The following CD28 variants were observed in gnomAD, a reference collection of about 807,000 sequenced individuals.
CD28 encodes the protein CD28 molecule.
A neutral mutation model predicts 21.4 loss-of-function variants in CD28; 8 were observed. That is an observed-to-expected ratio of 0.37 (90% CI 0.22 to 0.68). The LOEUF is 0.68. CD28 is among the 30% of genes least tolerant of loss of function. The probability of loss-of-function intolerance (pLI) is 0.55; values close to 1 mark genes in which losing one functional copy is unlikely to be tolerated. For missense variants in CD28, 239 were observed against 272.2 expected (o/e 0.88, Z 0.86); for synonymous variants, 106 against 104.0 (o/e 1.02, Z -0.12).
chr2:203,726,576 G>T, intron 1 of CD28, 57 bp from the exon 2 acceptor site: 1 of 1,329,542 alleles, frequency 7.5e-7, no homozygotes. Flanking sequence ...TTTGCTCTCA[G>T]GAAGAAAAAT....
chr2:203,736,626 G>A lies in CD28; in HGVS notation c.*1714G>A, dbSNP rs201773685. The A allele has an allele frequency of 1.3e-5, 2 of 152,318 alleles. No homozygotes were observed. The highest frequency in any genetic ancestry group is 2.4e-5 in the African/African-American group (1 of 41,558). The allele number at this position is 152,318 out of a possible 1,614,324, so 9.4% of individuals were successfully genotyped here. A position where few individuals can be genotyped will look rare whatever the true frequency, so the allele number is the denominator to read the frequency against. On this transcript the variant is annotated 3_prime_UTR_variant, in exon 4 of 4. Transcript: ENST00000324106. Reference sequence around the variant, plus strand: ...ATATGCCTGGGGACCTTGAAGAATGGCCCTTCAGTGGCCCTCACCATTTGT... The same window carrying A: ...ATATGCCTGGGGACCTTGAAGAATGACCCTTCAGTGGCCCTCACCATTTGT...
chr2:203,710,213 C>A (rs758912442), intron 1 of CD28, among the ~76,000 whole-genome samples: 15 of 152,160 alleles, frequency 9.9e-5, no homozygotes, highest in Admixed American at 4.6e-4. Flanking sequence ...AAGAAATTGA[C>A]TGGATGTTTT....
chr2:203,719,459 C>T (rs899575994), intron 1 of CD28, among the ~76,000 whole-genome samples: 3 of 152,236 alleles, frequency 2.0e-5, no homozygotes, highest in Non-Finnish European at 4.4e-5. Context: ...ACATCTGGTA[C>T]CATCCTCCCT....
chr2:203,725,067 A>G (rs1693704637), intron 1 of CD28, among the ~76,000 whole-genome samples: 1 of 152,032 alleles, frequency 6.6e-6, no homozygotes, highest in African/African-American at 2.4e-5. Flanking sequence ...GAGGCGGTGG[A>G]TCACCTGAGG....
intron 2 of CD28, among the ~76,000 whole-genome samples, chr2:203,728,952 A>G (rs929198087): frequency 6.6e-6 from 1 of 152,184 alleles, no homozygotes; most frequent in Admixed American, 6.5e-5. Context: ...GATGTAATTG[A>G]TATGGGTTGA....
chr2:203,724,278 A>G (rs1693682732), intron 1 of CD28, among the ~76,000 whole-genome samples: 1 of 152,190 alleles, frequency 6.6e-6, no homozygotes, highest in Non-Finnish European at 1.5e-5. Context: ...TTTATGGAGT[A>G]ATGAAAATGT....
intron 1 of CD28, among the ~76,000 whole-genome samples, chr2:203,711,765 C>T (rs1359907413): frequency 3.3e-5 from 5 of 152,178 alleles, no homozygotes; most frequent in Non-Finnish European, 7.3e-5. Flanking sequence ...TCCACCTCCT[C>T]GAAGAAGCTT....
upstream of CD28, chr2:203,706,566 A>G: frequency 6.3e-7 from 1 of 1,580,194 alleles, no homozygotes; most frequent in Non-Finnish European, 8.6e-7. Context: ...CCCTAAGGGG[A>G]TGGTGGCGGT....
intron 2 of CD28, among the ~76,000 whole-genome samples, chr2:203,729,423 T>C (rs986329456): frequency 3.3e-5 from 5 of 152,186 alleles, no homozygotes; most frequent in African/African-American, 1.2e-4. Context: ...AGTCTACCAG[T>C]GTACCATCCT....
chr2:203,713,154 G>A (rs1693361589), intron 1 of CD28, among the ~76,000 whole-genome samples: 1 of 152,210 alleles, frequency 6.6e-6, no homozygotes, highest in Non-Finnish European at 1.5e-5. Context: ...GAATGTGTGA[G>A]GTTATGGTGA....
At position 203,737,005 on chromosome 2, in the gene CD28, A is replaced by G. The variant is rs1238802329; in HGVS notation, c.*2093A>G. On this transcript the variant is annotated 3_prime_UTR_variant, in exon 4 of 4. Coordinates refer to ENST00000324106, the MANE Select transcript of CD28 (RefSeq NM_006139.4). Reference sequence around the variant, plus strand: ...AATATTGTAACACAAATTTAAACCCACTACGCAGGGATGAGGTGCTATAAT... The same window carrying G: ...AATATTGTAACACAAATTTAAACCCGCTACGCAGGGATGAGGTGCTATAAT... 49 of 152,246 alleles carry G rather than the reference A, an allele frequency of 3.2e-4. No individual in the cohort carries two copies. Among genetic ancestry groups the G allele is most frequent in the Admixed American group, 3.1e-3 (48 of 15,284 alleles). 9.4% of individuals were successfully genotyped at this position (152,246 alleles called of 1,614,324 possible).
At chr2:203,708,324 A>G (rs898069287) in intron 1 of CD28, among the ~76,000 whole-genome samples, 2 of 152,234 alleles carry the variant, frequency 1.3e-5, no homozygotes, top group African/African-American at 4.8e-5. Context: ...TACAGCTACC[A>G]AATATATTCT....
At chr2:203,709,865 C>G (rs1208363322) in intron 1 of CD28, among the ~76,000 whole-genome samples, 3 of 152,144 alleles carry the variant, frequency 2.0e-5, no homozygotes, top group Admixed American at 2.0e-4. Flanking sequence ...AAAACTTGGG[C>G]AAAAAACTGT....
rs111427187 is a variant in CD28, at chr2:203,737,404, A to G, written c.*2492A>G. 73 of 152,210 alleles carry G rather than the reference A, an allele frequency of 4.8e-4. No individual in the cohort carries two copies. Among genetic ancestry groups the G allele is most frequent in the African/African-American group, 1.4e-3 (60 of 41,562 alleles). 9.4% of individuals were successfully genotyped at this position (152,210 alleles called of 1,614,324 possible). On this transcript the variant is annotated 3_prime_UTR_variant, in exon 4 of 4. Coordinates refer to ENST00000324106, the MANE Select transcript of CD28 (RefSeq NM_006139.4). ...AATGACAGAGCTGGAGAGTTTTTTG[A>G]AATGGCAGTGGCAAATAAATAAATA...
intron 1 of CD28, among the ~76,000 whole-genome samples, chr2:203,716,601 C>A (rs770125577): frequency 6.6e-6 from 1 of 152,166 alleles, no homozygotes; most frequent in Non-Finnish European, 1.5e-5. Context: ...TTTTTGATAA[C>A]TTTTCCCTCT....
At position 203,726,825 on chromosome 2, in the gene CD28, C is replaced by T. The variant is rs764177861; in HGVS notation, c.245C>T (p.Thr82Met). The T allele has an allele frequency of 4.3e-6, 7 of 1,614,030 alleles. No individual in the cohort carries two copies. The highest frequency in any genetic ancestry group is 2.2e-5 in the East Asian group (1 of 44,896). The part of the protein sequence containing the change: ...YSQQLQVYSK[T>M]GFNCDGKLGN... ...CAGCAGCTTCAGGTTTACTCAAAAA[C>T]GGGGTTCAACTGTGATGGGAAATTG... The change falls in exon 2 of 4, where the codon ACG becomes ATG. Residue 82 changes from threonine (T) to methionine (M), a missense_variant. This residue lies in a region of CD28 where 104 missense variants were observed against 108.5 expected (regional missense o/e 0.96). Coordinates refer to ENST00000324106, the MANE Select transcript of CD28 (RefSeq NM_006139.4).
At chr2:203,708,060 T>C (rs1693209399) in intron 1 of CD28, among the ~76,000 whole-genome samples, 4 of 152,178 alleles carry the variant, frequency 2.6e-5, no homozygotes. Flanking sequence ...GAAAGATACA[T>C]TGAAAAGCCA....
intron 1 of CD28, among the ~76,000 whole-genome samples, chr2:203,720,870 A>G (rs1693587367): frequency 6.6e-6 from 1 of 152,256 alleles, no homozygotes; most frequent in Admixed American, 6.5e-5. Flanking sequence ...AGTATCACTT[A>G]GAGTCACTGG....
intron 1 of CD28, among the ~76,000 whole-genome samples, chr2:203,722,564 G>T (rs1234809594): frequency 6.6e-6 from 1 of 152,190 alleles, no homozygotes; most frequent in Non-Finnish European, 1.5e-5. Context: ...TTTTATGAGA[G>T]TCTATTAGTC....
Sources: gnomAD v4.1 joint callset for allele counts (sites outside exome capture counted in the v4.1 genomes callset) on GRCh38, gnomAD v4.1.1 for gene constraint, gnomAD v4.1.1 regional missense constraint, MANE v1.5 for transcripts, NCBI Gene and HGNC (gene_info 2026-07-23, HGNC 2026-07-21) for gene names.